The following MLLT3 variants were observed in gnomAD, a reference collection of about 807,000 sequenced individuals.
The protein encoded by MLLT3 is protein AF-9.
Under a neutral mutation model 53.2 loss-of-function variants are expected in MLLT3, and 4 were observed. That is an observed-to-expected ratio of 0.08 (90% CI 0.04 to 0.17). The LOEUF (loss-of-function observed/expected upper bound fraction) is 0.17. Among genes scored for constraint, MLLT3 ranks in the 10% least tolerant of loss-of-function variants. The probability of loss-of-function intolerance (pLI) is 1.00; values close to 1 mark genes in which losing one functional copy is unlikely to be tolerated. For synonymous variants in MLLT3, 283 were observed against 230.6 expected (o/e 1.23, Z -2.06); for missense variants, 569 against 684.0 (o/e 0.83, Z 1.87).
intron 2 of MLLT3, among the ~76,000 whole-genome samples, chr9:20,619,126 C>T (rs1409547190): frequency 1.3e-5 from 2 of 152,206 alleles, no homozygotes; most frequent in African/African-American, 4.8e-5. Context: ...AGAAATTTGA[C>T]ATCGCTCATC....
intron 4 of MLLT3, among the ~76,000 whole-genome samples, chr9:20,444,799 G>T (rs542046393): frequency 9.8e-5 from 15 of 152,290 alleles, no homozygotes; most frequent in African/African-American, 3.6e-4. Flanking sequence ...TTGAGCCCAG[G>T]AGGTTGAGGC....
At chr9:20,427,594 T>C (rs1823168473) in intron 4 of MLLT3, among the ~76,000 whole-genome samples, 1 of 151,894 alleles carries the variant, frequency 6.6e-6, no homozygotes, top group African/African-American at 2.4e-5. Flanking sequence ...AAACCAAGTA[T>C]AGTATAAAAA....
intron 2 of MLLT3, among the ~76,000 whole-genome samples, chr9:20,527,502 T>C (rs778848474): frequency 2.0e-5 from 3 of 152,154 alleles, no homozygotes; most frequent in African/African-American, 4.8e-5. Context: ...CCCTGTAATA[T>C]AGGTATTTAC....
At chr9:20,610,322 G>A (rs1820670704) in intron 2 of MLLT3, among the ~76,000 whole-genome samples, 3 of 152,084 alleles carry the variant, frequency 2.0e-5, no homozygotes, top group Admixed American at 2.0e-4. Context: ...AGTAAGTGAA[G>A]AAAGAATAAG....
intron 7 of MLLT3, chr9:20,363,136 G>A (rs909627939): frequency 2.1e-5 from 4 of 188,462 alleles, no homozygotes; most frequent in African/African-American, 4.7e-5. Context: ...TTCAAATTCT[G>A]AGACTATCTC....
chr9:20,456,782 G>T lies in MLLT3; in HGVS notation c.198C>A (p.Cys66Ter). The T allele has an allele frequency of 6.3e-7, 1 of 1,585,706 alleles. No individual in the cohort carries two copies. The highest frequency in any genetic ancestry group is 8.5e-7 in the Non-Finnish European group (1 of 1,169,606). Residue 66 changes from cysteine (C) to a stop codon, truncating the protein, a stop_gained, in exon 3 of 11, where the codon TGC becomes TGA. Coordinates refer to ENST00000380338, the MANE Select transcript of MLLT3 (RefSeq NM_004529.4). LOFTEE classifies it high-confidence loss of function. Reference sequence around the variant, plus strand: ...CTTCTACTTTGTAAGGTGGATCTTTGCACACTGCAACATTAAAAAAGAAAA... The same window carrying T: ...CTTCTACTTTGTAAGGTGGATCTTTTCACACTGCAACATTAAAAAAGAAAA... ...HESFPRPKRV[C>*]KDPPYKVEES...
intron 2 of MLLT3, among the ~76,000 whole-genome samples, chr9:20,545,691 A>G (rs1281427857): frequency 1.3e-5 from 2 of 152,052 alleles, no homozygotes; most frequent in African/African-American, 4.8e-5. Flanking sequence ...AATCAGCCCG[A>G]GCAGCAAATC....
chr9:20,422,937 A>C (rs943124765), intron 4 of MLLT3, among the ~76,000 whole-genome samples: 1 of 152,216 alleles, frequency 6.6e-6, no homozygotes. Flanking sequence ...TTAACTCAAC[A>C]ATCTTGTGAA....
chr9:20,375,196 A>C (rs1821727715), intron 5 of MLLT3, among the ~76,000 whole-genome samples: 1 of 152,248 alleles, frequency 6.6e-6, no homozygotes, highest in African/African-American at 2.4e-5. Context: ...TTTTAGATCA[A>C]TATTTTTCAG....
chr9:20,540,805 G>T lies in MLLT3; in HGVS notation c.193+79849C>A, dbSNP rs552469053. Among the ~76,000 whole-genome samples the T allele has an allele frequency of 5.3e-5, 8 of 152,346 alleles. No homozygotes were observed. The East Asian group carries it at 1.5e-3, about 29-fold the overall frequency. On this transcript the variant is annotated intron_variant, in intron 2 of 10. Transcript: ENST00000380338. ...TTACTAATGCAAATTTCTGCAGCCAGCTTCAATTCCTCCCCAGAAAATGGG... is the reference window on the plus strand; with the variant it reads ...TTACTAATGCAAATTTCTGCAGCCATCTTCAATTCCTCCCCAGAAAATGGG...
intron 2 of MLLT3, among the ~76,000 whole-genome samples, chr9:20,541,414 AT>A (rs1174419228): frequency 2.0e-5 from 3 of 152,218 alleles, no homozygotes; most frequent in African/African-American, 7.2e-5. Flanking sequence ...TGGATAATTT[AT>A]AAAGAAAAGA....
intron 4 of MLLT3, among the ~76,000 whole-genome samples, chr9:20,427,698 CAA>C (rs1336954966): frequency 6.6e-6 from 1 of 151,542 alleles, no homozygotes; most frequent in African/African-American, 2.4e-5. Flanking sequence ...CAGTAAGAAA[CAA>C]GAGATCATGT....
intron 5 of MLLT3, among the ~76,000 whole-genome samples, chr9:20,390,870 C>T (rs7029624): frequency 6.6e-6 from 1 of 152,152 alleles, no homozygotes; most frequent in Admixed American, 6.5e-5. Context: ...CCCAGCTACT[C>T]GGGAGGCGGA....
chr9:20,538,100 A>T (rs34086022), intron 2 of MLLT3, among the ~76,000 whole-genome samples: 2 of 152,062 alleles, frequency 1.3e-5, no homozygotes, highest in African/African-American at 4.8e-5. Context: ...TTTGTGCCCC[A>T]TGTGTTCATT....
At chr9:20,350,566 G>C (rs1186118286) in intron 10 of MLLT3, among the ~76,000 whole-genome samples, 1 of 139,052 alleles carries the variant, frequency 7.2e-6, no homozygotes, top group East Asian at 2.2e-4. Context: ...CTGCACTCCA[G>C]CCTGGGCGAC....
At chr9:20,460,408 A>G (rs1824078321) in intron 2 of MLLT3, among the ~76,000 whole-genome samples, 1 of 152,212 alleles carries the variant, frequency 6.6e-6, no homozygotes, top group Non-Finnish European at 1.5e-5. Context: ...TTAAATTCTC[A>G]TGTTCTATTA....
chr9:20,487,707 C>T (rs1250192393), intron 2 of MLLT3, among the ~76,000 whole-genome samples: 2 of 152,130 alleles, frequency 1.3e-5, no homozygotes, highest in South Asian at 2.1e-4. Context: ...TTAAAGCAAC[C>T]TTGTGGTATG....
intron 2 of MLLT3, among the ~76,000 whole-genome samples, chr9:20,534,944 TAGATTAGGAACCAA>T (rs1298345930): frequency 6.6e-6 from 1 of 151,622 alleles, no homozygotes; most frequent in Non-Finnish European, 1.5e-5. Flanking sequence ...AAAGAAAAAA[TAGATTAGGAACCAA>T]AGACATGAAC....
At chr9:20,353,381 C>A in intron 10 of MLLT3, 144 bp downstream of exon 10, 1 of 707,184 alleles carries the variant, frequency 1.4e-6, no homozygotes, top group Non-Finnish European at 2.5e-6. Context: ...GAAATGAGAA[C>A]CTTTCCCAAA....
Sources: gnomAD v4.1 joint callset for allele counts (sites outside exome capture counted in the v4.1 genomes callset) on GRCh38, gnomAD v4.1.1 for gene constraint, MANE v1.5 for transcripts, NCBI Gene and HGNC (gene_info 2026-07-23, HGNC 2026-07-21) for gene names.